The following SLC14A2 variants were observed in gnomAD, a reference collection of about 807,000 sequenced individuals.
SLC14A2 encodes the protein urea transporter 2.
SLC14A2 carries 91 observed loss-of-function variants against 104.6 expected under a neutral mutation model. The observed-to-expected ratio is 0.87, with a 90% CI of 0.73 to 1.04. The LOEUF (loss-of-function observed/expected upper bound fraction) is 1.04. Ranked by LOEUF, SLC14A2 falls within the 50% of genes least tolerant of loss-of-function variation. The pLI, the probability that SLC14A2 is intolerant of heterozygous loss-of-function variation, is 0.00. For synonymous variants in SLC14A2, 476 were observed against 466.4 expected (o/e 1.02, Z -0.27); for missense variants, 1,189 against 1,156.0 (o/e 1.03, Z -0.41).
intron 1 of SLC14A2, among the ~76,000 whole-genome samples, chr18:45,242,977 C>G (rs1270694593): frequency 6.6e-6 from 1 of 152,188 alleles, no homozygotes; most frequent in Non-Finnish European, 1.5e-5. Flanking sequence ...ATGAGATAGC[C>G]ATTCCTTTAG....
At chr18:45,276,853 T>A (rs2084708103) in intron 1 of SLC14A2, among the ~76,000 whole-genome samples, 1 of 152,240 alleles carries the variant, frequency 6.6e-6, no homozygotes, top group South Asian at 2.1e-4. Context: ...GACTTTCCAC[T>A]GTAGCCCTGG....
At chr18:45,305,300 A>G (rs940066888) in intron 1 of SLC14A2, among the ~76,000 whole-genome samples, 1 of 152,168 alleles carries the variant, frequency 6.6e-6, no homozygotes, top group Non-Finnish European at 1.5e-5. Context: ...AACCAATACA[A>G]CTGTTTAATG....
chr18:45,395,079 C>T (rs1381093207), intron 1 of SLC14A2, among the ~76,000 whole-genome samples: 1 of 152,080 alleles, frequency 6.6e-6, no homozygotes, highest in African/African-American at 2.4e-5. Context: ...TATATTTTTG[C>T]TTTCATGTTT....
chr18:45,290,491 G>T (rs147873752), intron 1 of SLC14A2, among the ~76,000 whole-genome samples: 1 of 152,330 alleles, frequency 6.6e-6, no homozygotes, highest in African/African-American at 2.4e-5. Context: ...TACCCAGAGG[G>T]TTAGGAGATG....
intron 1 of SLC14A2, among the ~76,000 whole-genome samples, chr18:45,213,699 T>C (rs2083982150): frequency 6.6e-6 from 1 of 151,526 alleles, no homozygotes; most frequent in African/African-American, 2.4e-5. Flanking sequence ...TTAGTCCACA[T>C]AACTAGTACA....
chr18:45,239,156 C>T (rs924442708), intron 1 of SLC14A2, among the ~76,000 whole-genome samples: 8 of 152,070 alleles, frequency 5.3e-5, no homozygotes, highest in Admixed American at 1.3e-4. Flanking sequence ...GGTTCTAGGG[C>T]GGCTCCTCCC....
intron 1 of SLC14A2, among the ~76,000 whole-genome samples, chr18:45,619,726 C>T (rs894343777): frequency 1.3e-5 from 2 of 152,190 alleles, no homozygotes; most frequent in African/African-American, 4.8e-5. Flanking sequence ...AGGGATTTCA[C>T]ATCCAGTTCT....
Position 45,669,369 on chromosome 18 carries a change from G to T in SLC14A2, c.2100G>T (p.Leu700=), listed in dbSNP as rs770744136. The part of the protein sequence containing the change: ...FSKWDLPVFT[L]PFNITVTLYL... ...AGTGGGACCTCCCAGTCTTCACACT[G>T]CCCTTCAATATCACTGTGACTTTGT... The change falls in exon 16 of 20, where the codon CTG becomes CTT. Residue 700 remains leucine (L), a synonymous_variant. Transcript: ENST00000255226. The T allele has an allele frequency of 1.9e-6, 3 of 1,613,974 alleles. No individual in the cohort carries two copies. Among genetic ancestry groups the T allele is most frequent in the Admixed American group, 3.3e-5 (2 of 59,990 alleles).
chr18:45,460,210 A>C (rs2087019508), intron 1 of SLC14A2, among the ~76,000 whole-genome samples: 1 of 152,152 alleles, frequency 6.6e-6, no homozygotes. Context: ...CCATGGCACC[A>C]TTTCAGGCAG....
At chr18:45,291,269 T>A (rs922902228) in intron 1 of SLC14A2, among the ~76,000 whole-genome samples, 1 of 152,098 alleles carries the variant, frequency 6.6e-6, no homozygotes, top group Non-Finnish European at 1.5e-5. Flanking sequence ...ATTGGGAGAC[T>A]ACTTCTCAGA....
Position 45,625,668 on chromosome 18 carries a change from G to T in SLC14A2, c.151-15G>T. The T allele has an allele frequency of 6.6e-7, 1 of 1,521,728 alleles. No homozygotes were observed. The highest frequency in any genetic ancestry group is 8.8e-7 in the Non-Finnish European group (1 of 1,138,922). 94.3% of individuals were successfully genotyped at this position (1,521,728 alleles called of 1,614,324 possible). A position where few individuals can be genotyped will look rare whatever the true frequency, so the allele number is the denominator to read the frequency against. Reference sequence around the variant, plus strand: ...AAGCTGTATCATTTGATGTCTGGTTGGTTTCTCCTAAAAGGATCTCCGGTC... The same window carrying T: ...AAGCTGTATCATTTGATGTCTGGTTTGTTTCTCCTAAAAGGATCTCCGGTC... On this transcript the variant is annotated splice_polypyrimidine_tract_variant and intron_variant, in intron 2 of 19. Transcript: ENST00000255226.
intron 2 of SLC14A2, among the ~76,000 whole-genome samples, chr18:45,545,339 G>C (rs536278312): frequency 6.6e-6 from 1 of 152,218 alleles, no homozygotes; most frequent in Non-Finnish European, 1.5e-5. Flanking sequence ...TCTTTTTGCT[G>C]TAGTCCCTCC....
chr18:45,245,373 G>T, intron 1 of SLC14A2, among the ~76,000 whole-genome samples: 1 of 152,190 alleles, frequency 6.6e-6, no homozygotes, highest in Non-Finnish European at 1.5e-5. Flanking sequence ...CTGTGTTGCA[G>T]CATCTGCTCA....
At chr18:45,182,442 A>G in the SLC14A2 span, among the ~76,000 whole-genome samples, 76,812 of 151,570 alleles carry the variant, frequency 0.51, 19,891 homozygotes, top group Non-Finnish European at 0.58. Flanking sequence ...AAAGACTGTA[A>G]CTGATTTGAA....
At chr18:45,313,554 T>C (rs1463324432) in intron 1 of SLC14A2, among the ~76,000 whole-genome samples, 1 of 152,188 alleles carries the variant, frequency 6.6e-6, no homozygotes, top group Non-Finnish European at 1.5e-5. Context: ...TAATTAATTG[T>C]GAGCAGGGAT....
intron 1 of SLC14A2, among the ~76,000 whole-genome samples, chr18:45,358,679 G>A (rs1444181668): frequency 6.6e-6 from 1 of 152,156 alleles, no homozygotes; most frequent in African/African-American, 2.4e-5. Flanking sequence ...TTAGGCTCAA[G>A]CAATCCTGCC....
intron 1 of SLC14A2, among the ~76,000 whole-genome samples, chr18:45,382,383 G>A (rs896269606): frequency 6.6e-6 from 1 of 152,114 alleles, no homozygotes; most frequent in African/African-American, 2.4e-5. Flanking sequence ...AGTATAATGG[G>A]GGTCAAGGAC....
intron 1 of SLC14A2, among the ~76,000 whole-genome samples, chr18:45,231,448 C>T (rs1341405234): frequency 6.6e-6 from 1 of 152,162 alleles, no homozygotes; most frequent in Non-Finnish European, 1.5e-5. Context: ...AGCGATCTTC[C>T]TGCCTTGGCC....
intron 4 of SLC14A2, among the ~76,000 whole-genome samples, chr18:45,629,485 C>T (rs2045311855): frequency 6.6e-6 from 1 of 152,198 alleles, no homozygotes; most frequent in Non-Finnish European, 1.5e-5. Context: ...CCATGCCTCA[C>T]TGCTTCATCA....
Sources: allele counts gnomAD v4.1 joint callset (sites outside exome capture counted in the v4.1 genomes callset), GRCh38; gene constraint gnomAD v4.1.1; transcripts MANE v1.5; gene names NCBI Gene and HGNC (gene_info 2026-07-23, HGNC 2026-07-21).